Variants in MTSS1 observed in about 807,000 individuals in gnomAD.
MTSS1 encodes the protein protein MTSS 1.
MTSS1 carries 18 observed loss-of-function variants against 79.0 expected under a neutral mutation model. The observed-to-expected ratio is 0.23, with a 90% CI of 0.16 to 0.34. The LOEUF is 0.34. MTSS1 is among the 10% of genes least tolerant of loss of function. The probability of loss-of-function intolerance (pLI) is 1.00; values close to 1 mark genes in which losing one functional copy is unlikely to be tolerated. For synonymous variants in MTSS1, 341 were observed against 368.6 expected, an observed-to-expected ratio of 0.93 and a Z score of 0.86; for missense variants, 815 against 986.2, an observed-to-expected ratio of 0.83 and a Z score of 2.33.
intron 3 of MTSS1, among the ~76,000 whole-genome samples, chr8:124,644,298 A>G (rs560227532): frequency 1.3e-5 from 2 of 152,242 alleles, no homozygotes; most frequent in Non-Finnish European, 2.9e-5. Flanking sequence ...TCTCAACCAC[A>G]GATGAAAAAG....
rs187641064 is a variant in MTSS1 at position 124,559,786 on chromosome 8, C to T, written c.1036-1911G>A. ...CGTAAGTTGGGTCTCCTGGGCACTG[C>T]TTTGCATCCATCCAGGTACTTGCTT... On this transcript the variant is annotated intron_variant, in intron 10 of 13. Transcript: ENST00000518547. Among the ~76,000 whole-genome samples the T allele has an allele frequency of 1.1e-4, 16 of 152,322 alleles. No homozygotes were observed. The East Asian group carries it at 3.1e-3, about 29-fold the overall frequency.
intron 1 of MTSS1, among the ~76,000 whole-genome samples, chr8:124,717,650 C>T (rs1170764564): frequency 6.6e-6 from 1 of 152,124 alleles, no homozygotes; most frequent in East Asian, 1.9e-4. Context: ...GCTGAGATCG[C>T]GCCACTGCAT....
chr8:124,606,165 TTTTTTG>T (rs1243502919), intron 3 of MTSS1, among the ~76,000 whole-genome samples: 4 of 99,330 alleles, frequency 4.0e-5, no homozygotes, highest in African/African-American at 2.0e-4. Context: ...CTGTGTTTGG[TTTTTTG>T]TTTTTTTTTT....
At chr8:124,717,745 T>C (rs371198945) in intron 1 of MTSS1, among the ~76,000 whole-genome samples, 15 of 152,126 alleles carry the variant, frequency 9.9e-5, no homozygotes, top group African/African-American at 3.6e-4. Flanking sequence ...GCAACAGTGC[T>C]TTTTCCCCAT....
chr8:124,610,844 C>T lies in MTSS1; in HGVS notation c.209-19609G>A, dbSNP rs572506167. 9.9e-5 allele frequency among the ~76,000 whole-genome samples: 15 copies of T among 152,084 alleles called. No individual in the cohort carries two copies. In the South Asian group the frequency reaches 1.0e-3, roughly 11 times the overall value. ...CTGCCATGAGCTCAAGGAGCCCAAACGAAACAAAAAAATGCCTGGAAGGTA... is the reference window on the plus strand; with the variant it reads ...CTGCCATGAGCTCAAGGAGCCCAAATGAAACAAAAAAATGCCTGGAAGGTA... On this transcript the variant is annotated intron_variant, in intron 3 of 13. Coordinates refer to ENST00000518547, the MANE Select transcript of MTSS1 (RefSeq NM_014751.6).
Position 124,702,583 on chromosome 8 carries a change from A to G in MTSS1, c.134+1547T>C, listed in dbSNP as rs75569405. 6.3e-3 allele frequency among the ~76,000 whole-genome samples: 953 copies of G among 152,314 alleles called. 4 individuals are homozygous for G. Among genetic ancestry groups the G allele is most frequent in the Middle Eastern group, 0.014 (4 of 294 alleles). On this transcript the variant is annotated intron_variant, in intron 2 of 13. Transcript: ENST00000518547. ...CCACCTTTCCCAAGTTCTTTAGTCT[A>G]TAGGGCACCATGGACACTCTAGTCC...
rs35604290 is a variant in MTSS1 at position 124,718,259 on chromosome 8, A to ATTT, written c.72+9622_72+9624dup. Among the ~76,000 whole-genome samples the ATTT allele has an allele frequency of 3.4e-3, 503 of 149,880 alleles. 1 individual carries two copies. The highest frequency in any genetic ancestry group is 0.011 in the African/African-American group (469 of 40,792). ...TGAAATGCTCTCAAAACATCTGCTA[A>ATTT]TTTTTTTTTTTTAAGAAAAAAGCTT... On this transcript the variant is annotated intron_variant, in intron 1 of 13. Transcript: ENST00000518547.
At chr8:124,627,529 C>G (rs1047633285) in intron 3 of MTSS1, among the ~76,000 whole-genome samples, 1 of 152,260 alleles carries the variant, frequency 6.6e-6, no homozygotes, top group Non-Finnish European at 1.5e-5. Context: ...TTGTTCTCAA[C>G]TCTTCCTCCA....
At chr8:124,589,512 C>T in intron 5 of MTSS1, 108 bp downstream of exon 5, 1 of 779,736 alleles carries the variant, frequency 1.3e-6, no homozygotes, top group Non-Finnish European at 2.1e-6. Context: ...GGGCCCTTGG[C>T]TGTTTTGGTG....
intron 3 of MTSS1, among the ~76,000 whole-genome samples, chr8:124,651,781 C>G (rs1820016315): frequency 6.6e-6 from 1 of 152,158 alleles, no homozygotes; most frequent in Non-Finnish European, 1.5e-5. Flanking sequence ...ACCCTGATCC[C>G]CAGACTCGAG....
chr8:124,663,826 C>T (rs1822545938), intron 3 of MTSS1, among the ~76,000 whole-genome samples: 1 of 152,124 alleles, frequency 6.6e-6, no homozygotes, highest in Non-Finnish European at 1.5e-5. Context: ...GGCAGAGACA[C>T]ACACATAGAC....
chr8:124,653,076 C>T (rs1445525588), intron 3 of MTSS1, among the ~76,000 whole-genome samples: 1 of 152,206 alleles, frequency 6.6e-6, no homozygotes, highest in African/African-American at 2.4e-5. Context: ...ACTTCCGTGG[C>T]CAGACACTTG....
rs553717385 is a variant in MTSS1, at chr8:124,582,749, G to A, written c.460+2338C>T. Among the ~76,000 whole-genome samples, 6 of 152,160 alleles carry A rather than the reference G, an allele frequency of 3.9e-5. No homozygotes were observed. The highest frequency in any genetic ancestry group is 3.3e-4 in the Admixed American group (5 of 15,268). The stretch of plus-strand genomic sequence containing the variant: ...TTGAAGGAGATGAAACAGATCCCTC[G>A]AGGTGTTCTAGTAGAAAGGGAAATG... On this transcript the variant is annotated intron_variant, in intron 6 of 13. Transcript: ENST00000518547. This position sits in a 1 kb window ranked among gnomAD's most constrained non-coding sequence, Gnocchi z 4.8.
chr8:124,661,473 C>G (rs1822016951), intron 3 of MTSS1, among the ~76,000 whole-genome samples: 1 of 152,170 alleles, frequency 6.6e-6, no homozygotes, highest in African/African-American at 2.4e-5. Context: ...GAAACAGAAG[C>G]TACGATTGTC....
intron 3 of MTSS1, among the ~76,000 whole-genome samples, chr8:124,627,191 C>T (rs899350393): frequency 6.6e-6 from 1 of 152,120 alleles, no homozygotes; most frequent in Non-Finnish European, 1.5e-5. Context: ...GGTGTCCCCA[C>T]GGCCCTCTGA....
chr8:124,645,299 G>A (rs11993496), intron 3 of MTSS1, among the ~76,000 whole-genome samples: 5,026 of 152,226 alleles, frequency 0.033, 264 homozygotes, highest in African/African-American at 0.11. Context: ...AGGCTGAGGC[G>A]GGAGGACTGT....
In MTSS1 at chr8:124,552,752, A is replaced by G; in HGVS notation, c.*240T>C. 2 of 460,612 alleles carry G rather than the reference A, an allele frequency of 4.3e-6. No individual in the cohort carries two copies. 28.5% of individuals were successfully genotyped at this position (460,612 alleles called of 1,614,324 possible). A position where few individuals can be genotyped will look rare whatever the true frequency, so the allele number is the denominator to read the frequency against. On this transcript the variant is annotated 3_prime_UTR_variant, in exon 14 of 14. Coordinates refer to ENST00000518547, the MANE Select transcript of MTSS1 (RefSeq NM_014751.6). ...GGCACCTTCAGAAAAATCAAAAGGGAAACTAAGATTAAAATGTGCAGAAAG... is the reference window on the plus strand; with the variant it reads ...GGCACCTTCAGAAAAATCAAAAGGGGAACTAAGATTAAAATGTGCAGAAAG...
chr8:124,606,790 C>T (rs978444109), intron 3 of MTSS1, among the ~76,000 whole-genome samples: 2 of 152,134 alleles, frequency 1.3e-5, no homozygotes, highest in Admixed American at 6.5e-5. Context: ...CGGTCTGCAT[C>T]CAAGGCCATG....
At chr8:124,721,823 T>C (rs1832986708) in intron 1 of MTSS1, among the ~76,000 whole-genome samples, 1 of 152,206 alleles carries the variant, frequency 6.6e-6, no homozygotes, top group African/African-American at 2.4e-5. Context: ...ATCAGAGCCC[T>C]GGCCCAGGCA....
Sources: gnomAD v4.1 joint callset for allele counts (sites outside exome capture counted in the v4.1 genomes callset) on GRCh38, gnomAD v4.1.1 for gene constraint, Gnocchi (gnomAD v3.1) non-coding constraint, MANE v1.5 for transcripts, NCBI Gene and HGNC (gene_info 2026-07-23, HGNC 2026-07-21) for gene names.